BABAM2: variants seen among roughly 807,000 people sequenced by gnomAD.
BABAM2 encodes BRISC and BRCA1-A complex member 2.
BABAM2 carries 31 observed loss-of-function variants against 54.7 expected under a neutral mutation model. That is an observed-to-expected ratio of 0.57 (90% CI 0.43 to 0.77). BABAM2 has a LOEUF of 0.77. BABAM2 is among the 30% of genes least tolerant of loss of function. BABAM2 has a pLI of 0.00. For synonymous variants in BABAM2, 167 were observed against 162.9 expected, an observed-to-expected ratio of 1.03 and a Z score of -0.19; for missense variants, 364 against 455.8, an observed-to-expected ratio of 0.80 and a Z score of 1.83.
chr2:28,143,953 C>T (rs1430452593), intron 7 of BABAM2, among the ~76,000 whole-genome samples: 1 of 152,200 alleles, frequency 6.6e-6, no homozygotes, highest in Non-Finnish European at 1.5e-5. Context: ...CCTGCCCCTC[C>T]CATCATGATA....
chr2:28,266,249 A>G (rs1484098632), intron 10 of BABAM2, among the ~76,000 whole-genome samples: 1 of 152,158 alleles, frequency 6.6e-6, no homozygotes, highest in Non-Finnish European at 1.5e-5. Context: ...GACCTCCCAA[A>G]GTGTTGGGAT....
At chr2:28,047,996 C>T (rs761440683) in intron 6 of BABAM2, among the ~76,000 whole-genome samples, 3 of 152,202 alleles carry the variant, frequency 2.0e-5, no homozygotes, top group African/African-American at 4.8e-5. Context: ...AGCTGCTTTA[C>T]ATATTATTTG....
At chr2:28,261,469 A>G (rs1684526504) in intron 10 of BABAM2, among the ~76,000 whole-genome samples, 1 of 151,720 alleles carries the variant, frequency 6.6e-6, no homozygotes. Context: ...AGCTGGGACT[A>G]CAGGCGCCCG....
intron 5 of BABAM2, among the ~76,000 whole-genome samples, chr2:28,032,192 A>G (rs1676344792): frequency 6.6e-6 from 1 of 152,150 alleles, no homozygotes; most frequent in Non-Finnish European, 1.5e-5. Context: ...GTTAGAGAGG[A>G]TGGTCTTTAC....
chr2:28,052,267 T>C (rs1456531579), intron 6 of BABAM2, among the ~76,000 whole-genome samples: 1 of 150,224 alleles, frequency 6.7e-6, no homozygotes, highest in Non-Finnish European at 1.5e-5. Context: ...AAAATAATCA[T>C]AGAGAAGGTT....
chr2:28,253,181 A>C (rs1358668069), intron 10 of BABAM2, among the ~76,000 whole-genome samples: 1 of 152,094 alleles, frequency 6.6e-6, no homozygotes, highest in Non-Finnish European at 1.5e-5. Context: ...AAGCGGATGG[A>C]TCACCTGAGG....
At chr2:28,089,389 C>T (rs190647593) in intron 6 of BABAM2, among the ~76,000 whole-genome samples, 152 of 152,268 alleles carry the variant, frequency 1.0e-3, no homozygotes, top group Non-Finnish European at 1.6e-3. Flanking sequence ...TCTCTGCTAG[C>T]ACTAGTCTAA....
At chr2:28,088,178 T>C (rs1665844380) in intron 6 of BABAM2, among the ~76,000 whole-genome samples, 1 of 152,222 alleles carries the variant, frequency 6.6e-6, no homozygotes, top group Admixed American at 6.5e-5. Context: ...CTATTTGTAT[T>C]TTCTTATTTT....
rs141088897 is a variant in BABAM2 at position 28,079,789 on chromosome 2, G to A, written c.570+33990G>A. Among the ~76,000 whole-genome samples, 304 of 152,226 alleles carry A rather than the reference G, an allele frequency of 2.0e-3. 1 individual carries two copies. Among genetic ancestry groups the A allele is most frequent in the African/African-American group, 6.9e-3 (285 of 41,548 alleles). On this transcript the variant is annotated intron_variant, in intron 6 of 11. Transcript: ENST00000379624. ...GGGTGGATTTCATTTCACTGATTGA[G>A]ACAGTGTCATAGACATTAGAAAATA...
intron 5 of BABAM2, among the ~76,000 whole-genome samples, chr2:28,025,651 CA>C (rs1210437597): frequency 1.3e-5 from 2 of 152,138 alleles, no homozygotes; most frequent in Admixed American, 6.5e-5. Context: ...TCCCCAGCCC[CA>C]GATATTCAGC....
intron 7 of BABAM2, among the ~76,000 whole-genome samples, chr2:28,167,669 G>A (rs1183243833): frequency 1.3e-5 from 2 of 150,872 alleles, no homozygotes; most frequent in South Asian, 2.1e-4. Context: ...ACTCCAGCCT[G>A]GGCGACAGAG....
intron 6 of BABAM2, among the ~76,000 whole-genome samples, chr2:28,098,512 T>C (rs1369167926): frequency 6.6e-6 from 1 of 152,236 alleles, no homozygotes; most frequent in East Asian, 1.9e-4. Flanking sequence ...AAATGTATTT[T>C]TTCCTTTTTC....
At chr2:28,033,964 A>G (rs9309658) in intron 5 of BABAM2, among the ~76,000 whole-genome samples, 99,428 of 151,910 alleles carry the variant, frequency 0.65, 34,219 homozygotes, top group Middle Eastern at 0.8. Context: ...ATGTGAGACA[A>G]TTACCTTTTT....
chr2:28,279,543 A>G (rs1021294084), intron 10 of BABAM2, among the ~76,000 whole-genome samples: 1 of 152,060 alleles, frequency 6.6e-6, no homozygotes, highest in African/African-American at 2.4e-5. Flanking sequence ...GACTTTCCCA[A>G]ATGATGAGCC....
At chr2:27,918,152 T>C (rs1667112216) in intron 2 of BABAM2, among the ~76,000 whole-genome samples, 1 of 152,264 alleles carries the variant, frequency 6.6e-6, no homozygotes, top group South Asian at 2.1e-4. Context: ...CATACAGTTC[T>C]GTGGCATTAA....
intron 4 of BABAM2, among the ~76,000 whole-genome samples, chr2:28,012,480 T>G (rs1674466575): frequency 6.6e-6 from 1 of 152,214 alleles, no homozygotes; most frequent in African/African-American, 2.4e-5. Context: ...TTAATACATA[T>G]ATTTTTGAGA....
At chr2:27,991,019 A>G (rs954364511) in intron 4 of BABAM2, among the ~76,000 whole-genome samples, 1 of 152,140 alleles carries the variant, frequency 6.6e-6, no homozygotes, top group Non-Finnish European at 1.5e-5. Flanking sequence ...TTTCAGATAA[A>G]TGGAAAATAC....
chr2:28,186,200 T>C (rs1487742614), intron 7 of BABAM2, among the ~76,000 whole-genome samples: 1 of 152,232 alleles, frequency 6.6e-6, no homozygotes, highest in Non-Finnish European at 1.5e-5. Flanking sequence ...TTTTTTCTAA[T>C]GTATTTATTT....
In BABAM2 at chr2:27,918,066, C is replaced by T. The variant is rs143491725; in HGVS notation, c.129-11766C>T. On this transcript the variant is annotated intron_variant, in intron 2 of 11. Coordinates refer to ENST00000379624, the MANE Select transcript of BABAM2 (RefSeq NM_199191.3). ...TAGTAAATTTTGAAATCCAGTATTGCAAATTTCCTACCAAAGTTTTTCTTA... is the reference window on the plus strand; with the variant it reads ...TAGTAAATTTTGAAATCCAGTATTGTAAATTTCCTACCAAAGTTTTTCTTA... Among the ~76,000 whole-genome samples the T allele has an allele frequency of 2.8e-3, 427 of 152,216 alleles. 2 individuals are homozygous for T. The highest frequency in any genetic ancestry group is 1.0e-2 in the African/African-American group (414 of 41,534).
Sources: allele counts gnomAD v4.1 joint callset (sites outside exome capture counted in the v4.1 genomes callset), GRCh38; gene constraint gnomAD v4.1.1; transcripts MANE v1.5; gene names NCBI Gene and HGNC (gene_info 2026-07-23, HGNC 2026-07-21).